UNC79: variants seen among roughly 807,000 people sequenced by gnomAD.
UNC79 encodes the protein unc-79 subunit of NALCN channel complex, also known as protein unc-79 homolog.
Under a neutral mutation model 283.1 loss-of-function variants are expected in UNC79, and 37 were observed. That is an observed-to-expected ratio of 0.13 (90% CI 0.10 to 0.17). The LOEUF is 0.17. Among genes scored for constraint, UNC79 ranks in the 10% least tolerant of loss-of-function variants. The pLI is 1.00. For synonymous variants in UNC79, 1,107 were observed against 1,200.2 expected (o/e 0.92, Z 1.61); for missense variants, 2,272 against 3,211.1 (o/e 0.71, Z 7.07).
Position 93,389,938 on chromosome 14 carries a change from C to T in UNC79, c.-351+56415C>T, listed in dbSNP as rs377561354. Among the ~76,000 whole-genome samples, 8 of 152,318 alleles carry T rather than the reference C, an allele frequency of 5.3e-5. No homozygotes were observed. In the East Asian group the frequency reaches 7.7e-4, roughly 15 times the overall value. ...AAAGTGCTAGGGTTACAGGCGTGAG[C>T]CCCCGTGCCCGGTGAGCACTTGTTT... On this transcript the variant is annotated intron_variant, in intron 1 of 49. Coordinates refer to the UNC79 transcript ENST00000256339.
intron 12 of UNC79, among the ~76,000 whole-genome samples, chr14:93,538,839 C>T (rs989551407): frequency 2.8e-5 from 4 of 142,228 alleles, no homozygotes; most frequent in Admixed American, 7.1e-5. Context: ...GAAATAACTT[C>T]TACCCTTCCT....
chr14:93,633,990 A>G (rs922138393), intron 31 of UNC79, among the ~76,000 whole-genome samples: 1 of 152,134 alleles, frequency 6.6e-6, no homozygotes, highest in African/African-American at 2.4e-5. Context: ...ACTGGTTCCA[A>G]GTCATATAAT....
chr14:93,419,517 A>G (rs1365838600), intron 1 of UNC79, among the ~76,000 whole-genome samples: 1 of 151,726 alleles, frequency 6.6e-6, no homozygotes. Flanking sequence ...ATCCAAGATA[A>G]TAACTACAAC....
At chr14:93,604,850 G>T (rs1252668446) in intron 26 of UNC79, 46 bp from the exon 27 acceptor site, 25 of 1,516,578 alleles carry the variant, frequency 1.6e-5, no homozygotes, top group Non-Finnish European at 2.1e-5. Context: ...CTAGGCTCCA[G>T]TTGTCTGTAA....
At chr14:93,601,400 A>C (rs560759058) in intron 25 of UNC79, among the ~76,000 whole-genome samples, 1 of 152,146 alleles carries the variant, frequency 6.6e-6, no homozygotes, top group African/African-American at 2.4e-5. Context: ...ATGTTCTCCA[A>C]CTCCATCCAG....
chr14:93,400,156 G>T (rs911389337), intron 1 of UNC79, among the ~76,000 whole-genome samples: 1 of 152,090 alleles, frequency 6.6e-6, no homozygotes, highest in African/African-American at 2.4e-5. Flanking sequence ...AATGTTTTTG[G>T]GAGAAATATT....
chr14:93,636,169 A>G (rs1316068614), intron 31 of UNC79, among the ~76,000 whole-genome samples: 1 of 152,248 alleles, frequency 6.6e-6, no homozygotes, highest in Non-Finnish European at 1.5e-5. Context: ...AAGAAAATCT[A>G]CATGATGCCA....
chr14:93,376,281 G>A (rs897348864), intron 1 of UNC79, among the ~76,000 whole-genome samples: 1 of 152,098 alleles, frequency 6.6e-6, no homozygotes, highest in African/African-American at 2.4e-5. Flanking sequence ...AGAGATTTTG[G>A]GGAAGAACAG....
At chr14:93,615,574 T>C (rs761456667) in intron 27 of UNC79, among the ~76,000 whole-genome samples, 15 of 151,508 alleles carry the variant, frequency 9.9e-5, no homozygotes, top group South Asian at 2.1e-4. Context: ...ATACAAAAAT[T>C]AGCTGGGTGT....
intron 47 of UNC79, among the ~76,000 whole-genome samples, chr14:93,704,156 T>A (rs976923364): frequency 2.0e-5 from 3 of 152,218 alleles, no homozygotes; most frequent in African/African-American, 7.2e-5. Context: ...ACCTTCCAGA[T>A]CGCAGCCAGG....
intron 27 of UNC79, among the ~76,000 whole-genome samples, chr14:93,616,796 G>A (rs994856777): frequency 1.3e-5 from 2 of 152,200 alleles, no homozygotes; most frequent in Non-Finnish European, 2.9e-5. Context: ...CATTTCTGCA[G>A]GTGGTTACCA....
intron 40 of UNC79, among the ~76,000 whole-genome samples, chr14:93,664,230 G>A (rs1343130185): frequency 6.6e-6 from 1 of 152,124 alleles, no homozygotes; most frequent in African/African-American, 2.4e-5. Context: ...GGCATAGAAA[G>A]GTAAGAACTT....
At position 93,404,493 on chromosome 14, in the gene UNC79, A is replaced by AAAAAAAAAAAATATAT; in HGVS notation, c.-350-63177_-350-63176insAAAAAAAAAATATATA. Among the ~76,000 whole-genome samples, 3 of 61,500 alleles carry AAAAAAAAAAAATATAT rather than the reference A, an allele frequency of 4.9e-5. No homozygotes were observed. The East Asian group carries it at 8.3e-4, about 17-fold the overall frequency. 40.3% of individuals were successfully genotyped at this position (61,500 alleles called of 152,430 possible). ...TGACAGAGTGAGACCTTCTAAAAAA[A>AAAAAAAAAAAATATAT]ATATATATATATATATATATAAATA... On this transcript the variant is annotated intron_variant, in intron 1 of 49. Transcript: ENST00000256339.
At chr14:93,491,857 C>G (rs974843772) in intron 5 of UNC79, among the ~76,000 whole-genome samples, 6 of 152,118 alleles carry the variant, frequency 3.9e-5, no homozygotes, top group African/African-American at 1.4e-4. Context: ...TTATAACCAG[C>G]TACTGTATAC....
chr14:93,512,365 G>T (rs1376212790), intron 7 of UNC79, among the ~76,000 whole-genome samples: 1 of 150,952 alleles, frequency 6.6e-6, no homozygotes, highest in East Asian at 2.0e-4. Flanking sequence ...GCTTGAGTGT[G>T]GTGGTTTTTG....
intron 1 of UNC79, among the ~76,000 whole-genome samples, chr14:93,361,490 G>A (rs148773410): frequency 1.7e-3 from 249 of 143,278 alleles, no homozygotes; most frequent in Non-Finnish European, 2.9e-3. Context: ...CAGCCTGGGC[G>A]ACACAGTGAG....
At chr14:93,587,458 T>C (rs1021170329) in intron 22 of UNC79, among the ~76,000 whole-genome samples, 2 of 152,208 alleles carry the variant, frequency 1.3e-5, no homozygotes, top group African/African-American at 2.4e-5. Context: ...TTATTTTATA[T>C]GTATGAGAAT....
At chr14:93,397,692 A>C (rs115292202) in intron 1 of UNC79, among the ~76,000 whole-genome samples, 156 of 152,136 alleles carry the variant, frequency 1.0e-3, no homozygotes, top group African/African-American at 3.7e-3. Context: ...AAAAGGAAAA[A>C]CAGATCCTTG....
chr14:93,637,256 G>A (rs4905082), exon 32 of UNC79: 1,010,877 of 1,580,832 alleles, frequency 0.64, 328,465 homozygotes, highest in Non-Finnish European at 0.67. Flanking sequence ...ACGTGCCAAC[G>A]TGCCTAAACC....
Sources: allele counts gnomAD v4.1 joint callset (sites outside exome capture counted in the v4.1 genomes callset), GRCh38; gene constraint gnomAD v4.1.1; transcripts MANE v1.5; gene names NCBI Gene and HGNC (gene_info 2026-07-23, HGNC 2026-07-21).